The following IFRD2 variants were observed in gnomAD, a reference collection of about 807,000 sequenced individuals.
IFRD2 encodes the protein interferon related developmental regulator 2.
Under a neutral mutation model 49.2 loss-of-function variants are expected in IFRD2, and 35 were observed. That is an observed-to-expected ratio of 0.71 (90% CI 0.54 to 0.94). The LOEUF (loss-of-function observed/expected upper bound fraction) is 0.94, where lower values mean the gene tolerates loss of function less well. Ranked by LOEUF, IFRD2 falls within the 40% of genes least tolerant of loss-of-function variation. The pLI, the probability that IFRD2 is intolerant of heterozygous loss-of-function variation, is 0.00. For missense variants in IFRD2, 561 were observed against 591.6 expected, an observed-to-expected ratio of 0.95 and a Z score of 0.54; for synonymous variants, 275 against 239.7, an observed-to-expected ratio of 1.15 and a Z score of -1.36.
rs1285952488 is a variant in IFRD2 at position 50,289,045 on chromosome 3, C to T, written c.886-108G>A. 6.8e-6 allele frequency: 10 copies of T among 1,466,566 alleles called. No homozygotes were observed. In the East Asian group the frequency reaches 2.2e-4, roughly 32 times the overall value. The allele number at this position is 1,466,566 out of a possible 1,614,324, so 90.8% of individuals were successfully genotyped here. A position where few individuals can be genotyped will look rare whatever the true frequency, so the allele number is the denominator to read the frequency against. On this transcript the variant is annotated intron_variant, in intron 8 of 11. Coordinates refer to ENST00000417626, the MANE Select transcript of IFRD2 (RefSeq NM_006764.5). ...TCACTGAGAGACCCTCTCTTCTCTG[C>T]CTGGCCCCTTTGACCCCTCCTTGGC...
At chr3:50,289,887 A>G in intron 5 of IFRD2, 42 bp downstream of exon 5, 1 of 1,610,352 alleles carries the variant, frequency 6.2e-7, no homozygotes, top group South Asian at 1.1e-5. Context: ...CTGCTGAGGG[A>G]TAAGGTGCAG....
chr3:50,290,595 G>A lies in IFRD2; in HGVS notation c.143C>T (p.Pro48Leu). 1 of 1,613,982 alleles carries A rather than the reference G, an allele frequency of 6.2e-7. No homozygotes were observed. The highest frequency in any genetic ancestry group is 8.5e-7 in the Non-Finnish European group (1 of 1,179,894). The change falls in exon 2 of 12, where the codon CCC (proline) becomes CTC (leucine). Residue 48 changes from proline to leucine, a missense_variant. Transcript: ENST00000417626. ...CTCTGCAGTGGTGCTGAGAAGGCTG[G>A]GGCATTCACTGGCGGTGCTGCGGGC... The part of the protein sequence containing the change: ...SEARSTASEC[P>L]SLLSTTAEDS...
intron 1 of IFRD2, chr3:50,291,815 G>T: frequency 5.1e-6 from 1 of 194,864 alleles, no homozygotes; most frequent in Non-Finnish European, 1.0e-5. Flanking sequence ...TAACCAGGTA[G>T]CTTCCCAACA....
intron 8 of IFRD2, 121 bp downstream of exon 8, chr3:50,289,134 T>C: frequency 8.5e-7 from 1 of 1,172,406 alleles, no homozygotes; most frequent in Non-Finnish European, 1.2e-6. Context: ...ATAAATCTGT[T>C]TTGGGGCCAC....
rs781808384 is a variant in IFRD2, at chr3:50,290,215, G to A, written c.343C>T (p.Arg115Cys). 88 of 1,613,482 alleles carry A rather than the reference G, an allele frequency of 5.5e-5. 1 individual carries two copies. The highest frequency in any genetic ancestry group is 6.7e-5 in the African/African-American group (5 of 74,950). ...SRLLPDFLLE[R>C]RLTLADALEK... is the part of the protein sequence containing the mutation. Reference sequence around the variant, plus strand: ...AGGGCATCGGCTAGCGTGAGGCGGCGCTCCAGCAAGAAGTCGGGGAGTAGG... The same window carrying A: ...AGGGCATCGGCTAGCGTGAGGCGGCACTCCAGCAAGAAGTCGGGGAGTAGG... Residue 115 changes from arginine (R) to cysteine (C), a missense_variant, in exon 4 of 12, where the codon CGC becomes TGC. Arg to Cys is a radical substitution (Grantham distance 180, BLOSUM62 -3). Coordinates refer to ENST00000417626, the MANE Select transcript of IFRD2 (RefSeq NM_006764.5).
intron 4 of IFRD2, 37 bp downstream of exon 4, chr3:50,290,130 TCTG>T: frequency 6.2e-7 from 1 of 1,612,628 alleles, no homozygotes; most frequent in Non-Finnish European, 8.5e-7. Flanking sequence ...AGGGCCAGTG[TCTG>T]CCCAGTTTAA....
chr3:50,289,057 G>C, intron 8 of IFRD2, 120 bp from the exon 9 acceptor site: 1 of 1,406,410 alleles, frequency 7.1e-7, no homozygotes, highest in Non-Finnish European at 9.7e-7. Flanking sequence ...TGGCCCCTTT[G>C]ACCCCTCCTT....
chr3:50,291,982 C>G (rs1701685265), intron 1 of IFRD2: 2 of 520,780 alleles, frequency 3.8e-6, no homozygotes, highest in South Asian at 6.1e-5. Flanking sequence ...AGGGGCTGGC[C>G]GGGTCACCGC....
chr3:50,288,161 T>C lies in IFRD2; in HGVS notation c.*30A>G, dbSNP rs782329301. 12 of 1,578,650 alleles carry C rather than the reference T, an allele frequency of 7.6e-6. No individual in the cohort carries two copies. In the South Asian group the frequency reaches 1.1e-4, roughly 15 times the overall value. On this transcript the variant is annotated 3_prime_UTR_variant, in exon 12 of 12. Coordinates refer to ENST00000417626, the MANE Select transcript of IFRD2 (RefSeq NM_006764.5). ...CTGTTAAAAATACGGACCAAGGGCA[T>C]AGAAAGTCTCCTCTTCAGCAGGTCC...
intron 8 of IFRD2, 67 bp downstream of exon 8, chr3:50,289,188 C>A: frequency 3.6e-6 from 5 of 1,384,592 alleles, no homozygotes; most frequent in East Asian, 2.5e-5. Flanking sequence ...TTGTGTGGCA[C>A]CCCCTGCATC....
chr3:50,289,401 G>A (rs1553709263), intron 7 of IFRD2, 41 bp from the exon 8 acceptor site: 3 of 1,568,658 alleles, frequency 1.9e-6, no homozygotes, highest in South Asian at 1.2e-5. Flanking sequence ...TGGCTTGGGG[G>A]CCTCTTTGAG....
intron 1 of IFRD2, among the ~76,000 whole-genome samples, chr3:50,291,007 C>CCTTTTTT (rs1491472231): frequency 1.1e-5 from 1 of 94,402 alleles, no homozygotes. Context: ...TCCCCGCCAC[C>CCTTTTTT]TTTTTTTTTT....
At chr3:50,289,184 G>A in intron 8 of IFRD2, 71 bp downstream of exon 8, 1 of 1,365,942 alleles carries the variant, frequency 7.3e-7, no homozygotes, top group Non-Finnish European at 1.0e-6. Flanking sequence ...TGTTTTGTGT[G>A]GCACCCCCTG....
intron 1 of IFRD2, among the ~76,000 whole-genome samples, chr3:50,291,576 C>T (rs1701673775): frequency 6.6e-6 from 1 of 152,170 alleles, no homozygotes; most frequent in South Asian, 2.1e-4. Flanking sequence ...TAAAGTTGTG[C>T]CTAGGTATTT....
In IFRD2 at chr3:50,287,754, G is replaced by A. The variant is rs748027229; in HGVS notation, c.*437C>T. 36 of 213,714 alleles carry A rather than the reference G, an allele frequency of 1.7e-4. No homozygotes were observed. The highest frequency in any genetic ancestry group is 1.9e-3 in the Middle Eastern group (1 of 538). The allele number at this position is 213,714 out of a possible 1,614,324, so 13.2% of individuals were successfully genotyped here. On this transcript the variant is annotated 3_prime_UTR_variant, in exon 12 of 12. Coordinates refer to ENST00000417626, the MANE Select transcript of IFRD2 (RefSeq NM_006764.5). ...GGGTTAAGACCACAGAAGGCTGACC[G>A]TTCTGTTTAATTATCTGTAATAATC... is the stretch of plus-strand genomic sequence containing the variant.
rs17849464 is a variant in IFRD2 at position 50,288,911 on chromosome 3, C to T, written c.912G>A (p.Glu304=). Residue 304 remains glutamate, a synonymous_variant, in exon 9 of 12, where the codon GAG becomes GAA. Coordinates refer to ENST00000417626, the MANE Select transcript of IFRD2 (RefSeq NM_006764.5). ...GAGTGCGCAGGACACTGCAGAGGGC[C>T]TCCATGTCCTCGTAAACAAACTCCT... ...LEEEFVYEDM[E]ALCSVLRTLA... is the part of the protein sequence containing the mutation. The T allele has an allele frequency of 3.8e-3, 6,157 of 1,612,942 alleles. 226 individuals are homozygous for T. The African/African-American group carries it at 0.073, about 19-fold the overall frequency.
chr3:50,289,800 G>T, intron 5 of IFRD2, 38 bp from the exon 6 acceptor site: 2 of 1,588,248 alleles, frequency 1.3e-6, no homozygotes, highest in Non-Finnish European at 1.7e-6. Context: ...ACGGTCAGCG[G>T]GTGAACCTGG....
intron 1 of IFRD2, among the ~76,000 whole-genome samples, chr3:50,290,910 G>A (rs1284958097): frequency 6.6e-6 from 1 of 152,068 alleles, no homozygotes; most frequent in Non-Finnish European, 1.5e-5. Context: ...TTTGGACAGG[G>A]TGTGATCACC....
In IFRD2 at chr3:50,289,265, C is replaced by T. The variant is rs587640551; in HGVS notation, c.875G>A (p.Arg292Gln). 1.5e-5 allele frequency: 23 copies of T among 1,575,964 alleles called. 1 individual carries two copies. Among genetic ancestry groups the T allele is most frequent in the South Asian group, 1.2e-4 (10 of 85,730 alleles). ...ETIALLFELA[R>Q]DLEEEFVYED... ...CCTTGTCCCTCGCACCTCAAGGTCC[C>T]GGGCAAGCTCAAAGAGCAGTGCAAT... Residue 292 changes from arginine to glutamine, a missense_variant, in exon 8 of 12, where the codon CGG becomes CAG. Transcript: ENST00000417626.
Sources: gnomAD v4.1 joint callset for allele counts (sites outside exome capture counted in the v4.1 genomes callset) on GRCh38, gnomAD v4.1.1 for gene constraint, MANE v1.5 for transcripts, NCBI Gene and HGNC (gene_info 2026-07-23, HGNC 2026-07-21) for gene names.